Variants in ASTN2 observed in about 807,000 individuals in gnomAD.
ASTN2 encodes astrotactin-2.
A neutral mutation model predicts 139.8 loss-of-function variants in ASTN2; 54 were observed. The ratio of observed to expected loss-of-function variants is 0.39; its 90% CI spans 0.31 to 0.48. The LOEUF is 0.48. Among genes scored for constraint, ASTN2 ranks in the 20% least tolerant of loss-of-function variants. The pLI, the probability that ASTN2 is intolerant of heterozygous loss-of-function variation, is 0.95. For missense variants in ASTN2, 1,565 were observed against 1,725.1 expected (o/e 0.91, Z 1.64); for synonymous variants, 756 against 719.5 (o/e 1.05, Z -0.81).
intron 1 of ASTN2, among the ~76,000 whole-genome samples, chr9:117,293,799 A>G (rs1357737695): frequency 6.6e-6 from 1 of 152,208 alleles, no homozygotes; most frequent in African/African-American, 2.4e-5. Context: ...CAGTGCATCA[A>G]AGCCTAAAAC....
chr9:117,040,402 G>A (rs1267475413), intron 5 of ASTN2, among the ~76,000 whole-genome samples: 1 of 152,108 alleles, frequency 6.6e-6, no homozygotes. Context: ...TTCAAATTTG[G>A]GCTTTGGCCC....
intron 5 of ASTN2, among the ~76,000 whole-genome samples, chr9:117,082,621 G>A (rs11794948): frequency 0.16 from 23,621 of 152,124 alleles, 2,130 homozygotes; most frequent in African/African-American, 0.23. Context: ...GGCCAACATG[G>A]TGAAACCCCA....
At chr9:117,063,653 G>A (rs1297944566) in intron 5 of ASTN2, among the ~76,000 whole-genome samples, 1 of 152,088 alleles carries the variant, frequency 6.6e-6, no homozygotes, top group Non-Finnish European at 1.5e-5. Context: ...GGTTATCTAG[G>A]ACAGTATTGC....
At chr9:117,300,985 A>G (rs1001080418) in intron 1 of ASTN2, among the ~76,000 whole-genome samples, 3 of 152,180 alleles carry the variant, frequency 2.0e-5, no homozygotes, top group African/African-American at 7.2e-5. Context: ...TGTTTTCCCA[A>G]GCCACTCAGT....
In ASTN2 at chr9:117,096,118, G is replaced by A. The variant is rs575590930; in HGVS notation, c.1202C>T (p.Ser401Leu). The part of the protein sequence containing the change: ...GISFGRAKGT[S>L]GSEADDETQL... ...AGTTTCATCGTCTGCCTCTGAGCCC[G>A]ACGTCCCCTTGGCTCTCCCAAAGCT... Residue 401 changes from serine (S) to leucine (L), a missense_variant, in exon 5 of 23, where the codon TCG (serine) becomes TTG (leucine). By Grantham distance (145) the Ser-to-Leu change is moderately radical. Coordinates refer to ENST00000313400, the MANE Select transcript of ASTN2 (RefSeq NM_001365068.1). 1.7e-5 allele frequency: 28 copies of A among 1,614,040 alleles called. No homozygotes were observed. Among genetic ancestry groups the A allele is most frequent in the East Asian group, 6.7e-5 (3 of 44,860 alleles).
intron 20 of ASTN2, among the ~76,000 whole-genome samples, chr9:116,484,358 A>C (rs546722954): frequency 1.3e-5 from 2 of 152,204 alleles, no homozygotes; most frequent in East Asian, 3.9e-4. Context: ...AGCAGTGAAA[A>C]ACCTGCCTCG....
At chr9:116,687,045 C>T (rs1860265026) in intron 16 of ASTN2, 1 of 1,337,978 alleles carries the variant, frequency 7.5e-7, no homozygotes, top group Non-Finnish European at 9.6e-7. Context: ...GATACGCATT[C>T]TGGCTTATCT....
chr9:116,426,004 G>T lies in ASTN2; in HGVS notation c.3867C>A (p.Arg1289=). The T allele has an allele frequency of 6.2e-7, 1 of 1,614,154 alleles. No homozygotes were observed. Among genetic ancestry groups the T allele is most frequent in the Non-Finnish European group, 8.5e-7 (1 of 1,180,042 alleles). The change falls in exon 23 of 23, where the codon CGC becomes CGA. Residue 1289 remains arginine, a synonymous_variant. Transcript: ENST00000313400. ...AGAAAAGATAGGGCACTGTTTCCACGCGGCTCTGGATGTAGGCACTCCGCA... is the reference window on the plus strand; with the variant it reads ...AGAAAAGATAGGGCACTGTTTCCACTCGGCTCTGGATGTAGGCACTCCGCA... The part of the protein sequence containing the change: ...SLLRSAYIQS[R]VETVPYLFCR...
intron 10 of ASTN2, among the ~76,000 whole-genome samples, chr9:116,881,223 A>G (rs1833443539): frequency 6.6e-6 from 1 of 152,228 alleles, no homozygotes; most frequent in Admixed American, 6.5e-5. Flanking sequence ...GGAGCTCACC[A>G]GGCCCAGTCA....
In ASTN2 at chr9:117,291,378, T is replaced by C. The variant is rs201849198; in HGVS notation, c.578A>G (p.Glu193Gly). The C allele has an allele frequency of 3.7e-6, 6 of 1,614,156 alleles. No individual in the cohort carries two copies. In the East Asian group the frequency reaches 1.3e-4, roughly 36 times the overall value. The change falls in exon 2 of 23, where the codon GAG (glutamate) becomes GGG (glycine). Residue 193 changes from glutamate (E) to glycine (G), a missense_variant. Around this residue, in one of 4 missense-constraint regions of ASTN2, gnomAD observed 596 missense variants for 576.8 expected, o/e 1.03. Coordinates refer to ENST00000313400, the MANE Select transcript of ASTN2 (RefSeq NM_001365068.1). ...LAQATAPTLQ[E>G]PSEIVEEQMH... ...CTGCTCCTCAACAATCTCCGAGGGC[T>C]CCTGGAGAGTGGGGGCGGTGGCTTG...
At position 116,839,357 on chromosome 9, in the gene ASTN2, G is replaced by T. The variant is rs117640495; in HGVS notation, c.2041-18574C>A. Among the ~76,000 whole-genome samples the T allele has an allele frequency of 7.6e-3, 1,158 of 152,022 alleles. 4 individuals carry two copies. Among genetic ancestry groups the T allele is most frequent in the Non-Finnish European group, 9.9e-3 (676 of 68,010 alleles). ...TTTTTTTTAAAACAACAGCTTTATTGAAGTATAATCTACATATCATAAAAT... is the reference window on the plus strand; with the variant it reads ...TTTTTTTTAAAACAACAGCTTTATTTAAGTATAATCTACATATCATAAAAT... On this transcript the variant is annotated intron_variant, in intron 11 of 22. Transcript: ENST00000313400.
At chr9:116,954,424 G>T (rs546327152) in intron 10 of ASTN2, among the ~76,000 whole-genome samples, 2 of 152,110 alleles carry the variant, frequency 1.3e-5, no homozygotes, top group Admixed American at 6.5e-5. Context: ...AATAAGCAAG[G>T]GATGCCAATG....
At chr9:116,812,707 A>C (rs953863995) in intron 12 of ASTN2, among the ~76,000 whole-genome samples, 1 of 152,178 alleles carries the variant, frequency 6.6e-6, no homozygotes, top group Non-Finnish European at 1.5e-5. Flanking sequence ...AAGTTGAGTG[A>C]CTTGCCCATG....
intron 1 of ASTN2, among the ~76,000 whole-genome samples, chr9:117,407,823 GCTCT>G (rs199648281): frequency 6.6e-6 from 1 of 152,184 alleles, no homozygotes; most frequent in East Asian, 1.9e-4. Context: ...AGAAAAACCA[GCTCT>G]CTCTCTCTCA....
intron 13 of ASTN2, among the ~76,000 whole-genome samples, chr9:116,745,942 C>T (rs1165730387): frequency 6.6e-6 from 1 of 152,120 alleles, no homozygotes; most frequent in Non-Finnish European, 1.5e-5. Context: ...GGGCTAACAT[C>T]TAGGTGTCAG....
intron 16 of ASTN2, among the ~76,000 whole-genome samples, chr9:116,682,281 A>G (rs1859928577): frequency 6.6e-6 from 1 of 152,250 alleles, no homozygotes; most frequent in African/African-American, 2.4e-5. Context: ...AAAAATGCTC[A>G]CCATCACTGG....
chr9:117,414,648 T>TCCGGCC lies in ASTN2; in HGVS notation c.285_290dup (p.Gly97_Ala98dup), dbSNP rs1831275677. 1 of 1,362,476 alleles carries TCCGGCC rather than the reference T, an allele frequency of 7.3e-7. No individual in the cohort carries two copies. The highest frequency in any genetic ancestry group is 9.4e-7 in the Non-Finnish European group (1 of 1,064,930). 84.4% of individuals were successfully genotyped at this position (1,362,476 alleles called of 1,614,324 possible). On this transcript the variant is annotated inframe_insertion, in exon 1 of 23. Coordinates refer to ENST00000313400, the MANE Select transcript of ASTN2 (RefSeq NM_001365068.1). The surrounding 1 kb of genome is among the most constrained non-coding windows in gnomAD (Gnocchi z 4.2). ...CCGGGGACGCGGCGGCGGCGGCGGC[T>TCCGGCC]CCGGCCCCGGTCCCAGCCCCGGCCC...
At chr9:117,003,970 G>A (rs1837281995) in intron 7 of ASTN2, among the ~76,000 whole-genome samples, 1 of 151,748 alleles carries the variant, frequency 6.6e-6, no homozygotes, top group South Asian at 2.1e-4. Context: ...GTGTGTGTGT[G>A]TGTGTGTTTT....
intron 5 of ASTN2, among the ~76,000 whole-genome samples, chr9:117,041,813 C>T (rs1325990078): frequency 5.3e-5 from 8 of 152,136 alleles, no homozygotes; most frequent in Non-Finnish European, 1.2e-4. Context: ...AACATTAGTG[C>T]AGGTGTTTTT....
Sources: gnomAD v4.1 joint callset for allele counts (sites outside exome capture counted in the v4.1 genomes callset) on GRCh38, gnomAD v4.1.1 for gene constraint, gnomAD v4.1.1 regional missense constraint, Gnocchi (gnomAD v3.1) non-coding constraint, MANE v1.5 for transcripts, NCBI Gene and HGNC (gene_info 2026-07-23, HGNC 2026-07-21) for gene names.